Variants in HIVEP3 observed in about 807,000 individuals in gnomAD.
HIVEP3 encodes the protein HIVEP zinc finger 3.
Under a neutral mutation model 152.8 loss-of-function variants are expected in HIVEP3, and 49 were observed. The ratio of observed to expected loss-of-function variants is 0.32; its 90% CI spans 0.26 to 0.41. The LOEUF (loss-of-function observed/expected upper bound fraction) is 0.41, where lower values mean the gene tolerates loss of function less well. Ranked by LOEUF, HIVEP3 falls within the 10% of genes least tolerant of loss-of-function variation. The pLI is 1.00. For synonymous variants in HIVEP3, 1,269 were observed against 1,289.0 expected (o/e 0.98, Z 0.33); for missense variants, 2,790 against 3,103.3 (o/e 0.90, Z 2.40).
In HIVEP3 at chr1:41,804,250, G is replaced by A. The variant is rs548647626; in HGVS notation, c.-800-103255C>T. On this transcript the variant is annotated intron_variant, in intron 1 of 8. Transcript: ENST00000372583. ...CCTCCCCAGTGGTCCCACAGCCCCT[G>A]CCTGTACCTGCCTGGATTCACACTC... 7.2e-5 allele frequency among the ~76,000 whole-genome samples: 11 copies of A among 152,244 alleles called. No individual in the cohort carries two copies. In the South Asian group the frequency reaches 2.3e-3, roughly 32 times the overall value.
intron 3 of HIVEP3, among the ~76,000 whole-genome samples, chr1:41,598,529 C>G (rs987979094): frequency 6.6e-6 from 1 of 152,198 alleles, no homozygotes; most frequent in African/African-American, 2.4e-5. Context: ...GTCATTCTTG[C>G]CCACATGGCA....
At chr1:41,648,385 C>A (rs190667285) in intron 2 of HIVEP3, among the ~76,000 whole-genome samples, 1 of 152,202 alleles carries the variant, frequency 6.6e-6, no homozygotes, top group Non-Finnish European at 1.5e-5. Context: ...CTTACAGAGA[C>A]GCAACTGACT....
At chr1:41,528,051 C>CCAT (rs1553220932) in intron 5 of HIVEP3, among the ~76,000 whole-genome samples, 124,210 of 124,952 alleles carry the variant, frequency 0.99, 61,734 homozygotes, top group Non-Finnish European at 1. Flanking sequence ...CTCCACACCC[C>CCAT]CCTCACTTAC....
intron 1 of HIVEP3, among the ~76,000 whole-genome samples, chr1:41,702,348 T>C (rs950393756): frequency 4.6e-5 from 7 of 152,218 alleles, no homozygotes; most frequent in Non-Finnish European, 7.3e-5. Context: ...AATAGAGTTA[T>C]TTGTATCCAC....
chr1:41,610,123 C>T (rs1644877355), intron 3 of HIVEP3, among the ~76,000 whole-genome samples: 1 of 152,212 alleles, frequency 6.6e-6, no homozygotes, highest in Non-Finnish European at 1.5e-5. Flanking sequence ...CTTGAAAAGC[C>T]TCCACAACTG....
intron 1 of HIVEP3, among the ~76,000 whole-genome samples, chr1:41,809,831 G>A (rs1650844640): frequency 6.6e-6 from 1 of 152,152 alleles, no homozygotes; most frequent in Non-Finnish European, 1.5e-5. Context: ...AAAAGGGGAA[G>A]GTCCCTGAGA....
chr1:41,943,112 T>C (rs1557532447), intron 1 of HIVEP3, among the ~76,000 whole-genome samples: 1 of 152,046 alleles, frequency 6.6e-6, no homozygotes, highest in Non-Finnish European at 1.5e-5. Flanking sequence ...TTCACCATGT[T>C]AGCCAGGATG....
At position 41,662,822 on chromosome 1, in the gene HIVEP3, G is replaced by T. The variant is rs1029898711; in HGVS notation, c.-720-33875C>A. The stretch of plus-strand genomic sequence containing the variant: ...GCCCTGCCACTCTGCGCCACGCCTT[G>T]GTCGCACCCGGGCCCAGCGGGAGTC... On this transcript the variant is annotated intron_variant, in intron 2 of 8. Transcript: ENST00000372583. This position sits in a 1 kb window ranked among gnomAD's most constrained non-coding sequence, Gnocchi z 7.2. Among the ~76,000 whole-genome samples, 3 of 152,126 alleles carry T rather than the reference G, an allele frequency of 2.0e-5. No homozygotes were observed. The highest frequency in any genetic ancestry group is 7.2e-5 in the African/African-American group (3 of 41,444).
chr1:41,662,625 C>T lies in HIVEP3; in HGVS notation c.-720-33678G>A, dbSNP rs181255612. On this transcript the variant is annotated intron_variant, in intron 2 of 8. Coordinates refer to ENST00000372583, the MANE Select transcript of HIVEP3 (RefSeq NM_024503.5). The surrounding 1 kb of genome is among the most constrained non-coding windows in gnomAD (Gnocchi z 7.2). ...GGGAGGGTCTCCTCGCCCGGGGAAT[C>T]CCTGGCTGCCGGCGGCCGCGGGGAG... is the stretch of plus-strand genomic sequence containing the variant. Among the ~76,000 whole-genome samples the T allele has an allele frequency of 0.039, 5,932 of 151,122 alleles. 187 individuals are homozygous for T. The highest frequency in any genetic ancestry group is 0.094 in the Middle Eastern group (27 of 288).
At chr1:41,912,150 G>A (rs541254760) in intron 1 of HIVEP3, among the ~76,000 whole-genome samples, 2 of 152,292 alleles carry the variant, frequency 1.3e-5, no homozygotes, top group African/African-American at 4.8e-5. Flanking sequence ...GGAATAAAAG[G>A]TACAGAAATG....
chr1:41,574,819 C>A (rs1402077641), intron 5 of HIVEP3, among the ~76,000 whole-genome samples: 8 of 152,226 alleles, frequency 5.3e-5, no homozygotes, highest in African/African-American at 1.9e-4. Flanking sequence ...ACCCAAATCC[C>A]AGGAAGCAAA....
At chr1:41,529,188 TCA>T (rs1219175822) in intron 5 of HIVEP3, among the ~76,000 whole-genome samples, 1 of 61,408 alleles carries the variant, frequency 1.6e-5, no homozygotes, top group African/African-American at 6.6e-5. Flanking sequence ...ACCCTCACAC[TCA>T]CATGCTTACA....
intron 1 of HIVEP3, among the ~76,000 whole-genome samples, chr1:41,736,073 T>A (rs1646914132): frequency 6.6e-6 from 1 of 152,138 alleles, no homozygotes; most frequent in South Asian, 2.1e-4. Flanking sequence ...TGAGGCAGCA[T>A]CTGCAGCCAG....
At chr1:41,697,561 A>G (rs1646295124) in intron 2 of HIVEP3, among the ~76,000 whole-genome samples, 2 of 152,172 alleles carry the variant, frequency 1.3e-5, no homozygotes, top group African/African-American at 4.8e-5. Flanking sequence ...CCAAGGTGGG[A>G]CTGGCTGGCA....
intron 5 of HIVEP3, among the ~76,000 whole-genome samples, chr1:41,526,300 C>A (rs1477178143): frequency 1.4e-5 from 2 of 146,960 alleles, no homozygotes; most frequent in African/African-American, 5.0e-5. Flanking sequence ...CCCTCACACA[C>A]ACTCACCCTC....
chr1:41,697,129 G>A (rs1304436705), intron 2 of HIVEP3, among the ~76,000 whole-genome samples: 4 of 152,160 alleles, frequency 2.6e-5, no homozygotes, highest in Non-Finnish European at 4.4e-5. Context: ...TGTTGCACTG[G>A]AGTTTCCCCA....
rs1209512203 is a variant in HIVEP3 at position 41,581,484 on chromosome 1, C to T, written c.3314G>A (p.Gly1105Glu). ...GGGCCCCAATGGGGGCCTGTCCTGC[C>T]CTGGGCCCTTGCCTCCCGGGGGTCC... ...HGGPPGGKGP[G>E]QDRPPLGPTV... is the part of the protein sequence containing the mutation. The change falls in exon 4 of 9, where the codon GGG (glycine) becomes GAG (glutamate). Residue 1105 changes from glycine (G) to glutamate (E), a missense_variant. Physicochemically the swap from Gly to Glu is moderately conservative, Grantham distance 98. Coordinates refer to ENST00000372583, the MANE Select transcript of HIVEP3 (RefSeq NM_024503.5). This position sits in a 1 kb window ranked among gnomAD's most constrained non-coding sequence, Gnocchi z 4.5. 6.3e-7 allele frequency: 1 copy of T among 1,575,444 alleles called. No homozygotes were observed. Among genetic ancestry groups the T allele is most frequent in the Admixed American group, 1.8e-5 (1 of 55,912 alleles).
intron 1 of HIVEP3, among the ~76,000 whole-genome samples, chr1:41,992,332 C>A (rs1279917061): frequency 1.3e-5 from 2 of 150,518 alleles, no homozygotes; most frequent in African/African-American, 2.5e-5. Flanking sequence ...ACAAAAATCA[C>A]AAGCATTCTT....
rs77792868 is a variant in HIVEP3, at chr1:41,853,793, A to T, written c.-801+64620T>A. 5.8e-3 allele frequency among the ~76,000 whole-genome samples: 882 copies of T among 152,272 alleles called. 15 individuals are homozygous for T. The highest frequency in any genetic ancestry group is 0.045 in the East Asian group (234 of 5,176). Reference sequence around the variant, plus strand: ...GCTTTAGTTCAGTGGGGTTTGAGGCACTTGGGAACTCACCAAGGCGAACCT... The same window carrying T: ...GCTTTAGTTCAGTGGGGTTTGAGGCTCTTGGGAACTCACCAAGGCGAACCT... On this transcript the variant is annotated intron_variant, in intron 1 of 8. Transcript: ENST00000372583.
Sources: allele counts gnomAD v4.1 joint callset (sites outside exome capture counted in the v4.1 genomes callset), GRCh38; gene constraint gnomAD v4.1.1; non-coding constraint Gnocchi (gnomAD v3.1); transcripts MANE v1.5; gene names NCBI Gene and HGNC (gene_info 2026-07-23, HGNC 2026-07-21).